The following MSN variants were observed in gnomAD, a reference collection of about 807,000 sequenced individuals.
The protein encoded by MSN is moesin.
Under a neutral mutation model 48.0 loss-of-function variants are expected in MSN, and 2 were observed. The observed-to-expected ratio is 0.04, with a 90% CI of 0.02 to 0.13. The LOEUF (loss-of-function observed/expected upper bound fraction) is 0.13, where lower values mean the gene tolerates loss of function less well. Among genes scored for constraint, MSN ranks in the 10% least tolerant of loss-of-function variants. MSN has a pLI of 1.00. For missense variants in MSN, 267 were observed against 470.1 expected (o/e 0.57, Z 3.99); for synonymous variants, 146 against 166.9 (o/e 0.87, Z 0.97).
At chrX:65,643,601 G>A (rs925479264) in intron 1 of MSN, among the ~76,000 whole-genome samples, 1 of 111,910 alleles carries the variant, frequency 8.9e-6, no homozygotes, top group Non-Finnish European at 1.9e-5. Context: ...GGCCTGGGGT[G>A]GTGTCCAGAT....
At chrX:65,632,101 G>A (rs1210075515) in intron 1 of MSN, among the ~76,000 whole-genome samples, 1 of 112,261 alleles carries the variant, frequency 8.9e-6, no homozygotes, top group Non-Finnish European at 1.9e-5. Context: ...GCGATGGTTT[G>A]AATGTGTCCC....
At chrX:65,600,321 G>T (rs984968285) in intron 1 of MSN, among the ~76,000 whole-genome samples, 2 of 111,304 alleles carry the variant, frequency 1.8e-5, no homozygotes, top group Non-Finnish European at 3.8e-5. Flanking sequence ...GTATGGATGT[G>T]CGTCTCCAGG....
intron 1 of MSN, among the ~76,000 whole-genome samples, chrX:65,670,146 G>C (rs1331043571): frequency 8.9e-6 from 1 of 112,001 alleles, no homozygotes; most frequent in African/African-American, 3.3e-5. Flanking sequence ...GGTGCCTTCT[G>C]TTACTTTTCT....
At chrX:65,606,794 A>G (rs182477860) in intron 1 of MSN, among the ~76,000 whole-genome samples, 207 of 112,696 alleles carry the variant, frequency 1.8e-3, no homozygotes, top group African/African-American at 5.6e-3. Flanking sequence ...TCTGTCCCAT[A>G]TGCCTAACAC....
At chrX:65,636,722 G>A (rs1302492988) in intron 1 of MSN, among the ~76,000 whole-genome samples, 1 of 85,438 alleles carries the variant, frequency 1.2e-5, no homozygotes, top group African/African-American at 5.5e-5. Context: ...ACTCCGGGCT[G>A]GGCAACAAGA....
chrX:65,688,046 C>T (rs1357267544), intron 1 of MSN, among the ~76,000 whole-genome samples: 1 of 111,857 alleles, frequency 8.9e-6, no homozygotes, highest in African/African-American at 3.3e-5. Flanking sequence ...ATAGCCAAGT[C>T]AGATGCGAAT....
intron 1 of MSN, among the ~76,000 whole-genome samples, chrX:65,698,909 AC>A (rs1218086738): frequency 3.4e-4 from 38 of 111,885 alleles, no homozygotes; most frequent in African/African-American, 1.2e-3. Context: ...AGATGGGGAA[AC>A]TGAAGCCCAG....
At chrX:65,737,645 T>C (rs1385374519) in intron 10 of MSN, among the ~76,000 whole-genome samples, 2 of 112,350 alleles carry the variant, frequency 1.8e-5, no homozygotes, top group African/African-American at 6.5e-5. Context: ...GCTCCTGCTG[T>C]ATGTTGCTGT....
At chrX:65,714,908 C>A (rs192395445) in intron 1 of MSN, among the ~76,000 whole-genome samples, 1 of 111,573 alleles carries the variant, frequency 9.0e-6, no homozygotes, top group Non-Finnish European at 1.9e-5. Flanking sequence ...AATGGTATTA[C>A]GTAGGTTTTC....
intron 1 of MSN, chrX:65,625,122 G>A (rs978029823): frequency 2.7e-5 from 3 of 112,594 alleles, no homozygotes; most frequent in African/African-American, 9.7e-5. Flanking sequence ...TTCACTGCAT[G>A]TGGTCGAGGA....
chrX:65,720,932 T>C (rs2071510992), intron 2 of MSN, among the ~76,000 whole-genome samples: 1 of 112,238 alleles, frequency 8.9e-6, no homozygotes, highest in Non-Finnish European at 1.9e-5. Context: ...AGAGAGAACA[T>C]GTTTTGCTAT....
chrX:65,621,117 G>A (rs1165150287), intron 1 of MSN, among the ~76,000 whole-genome samples: 1 of 109,964 alleles, frequency 9.1e-6, no homozygotes, highest in Non-Finnish European at 1.9e-5. Context: ...GGGTTTCACC[G>A]TGTTAGCCAG....
At chrX:65,604,124 A>T (rs1416321316) in intron 1 of MSN, among the ~76,000 whole-genome samples, 1 of 112,559 alleles carries the variant, frequency 8.9e-6, no homozygotes, top group African/African-American at 3.2e-5. Context: ...GGAATGAGGC[A>T]CAGAAAGTTG....
chrX:65,657,279 G>C (rs1326393540), intron 1 of MSN, among the ~76,000 whole-genome samples: 2 of 111,605 alleles, frequency 1.8e-5, no homozygotes, highest in Non-Finnish European at 3.8e-5. Flanking sequence ...AGCTCGAGGG[G>C]AGAGGAGGGT....
chrX:65,667,507 C>G (rs1233100149), upstream of MSN: 4 of 460,531 alleles, frequency 8.7e-6, no homozygotes, highest in East Asian at 3.8e-4. Flanking sequence ...CCGGGCCCCC[C>G]ACGTGGCCGC....
intron 1 of MSN, among the ~76,000 whole-genome samples, chrX:65,684,266 G>GTA (rs1423344361): frequency 9.1e-6 from 1 of 110,383 alleles, no homozygotes; most frequent in African/African-American, 3.3e-5. Context: ...TCATGCATTT[G>GTA]TATATATATG....
intron 1 of MSN, among the ~76,000 whole-genome samples, chrX:65,604,716 T>A (rs1407948340): frequency 8.9e-6 from 1 of 111,967 alleles, no homozygotes; most frequent in Non-Finnish European, 1.9e-5. Context: ...CACCTCTAAC[T>A]CTTCCATCTC....
At chrX:65,656,160 C>G (rs1202329607) in intron 1 of MSN, among the ~76,000 whole-genome samples, 2 of 111,645 alleles carry the variant, frequency 1.8e-5, no homozygotes, top group East Asian at 5.6e-4. Context: ...TGTTGTTTCC[C>G]TTGATTATTA....
intron 1 of MSN, among the ~76,000 whole-genome samples, chrX:65,623,737 G>A (rs1442396926): frequency 1.5e-4 from 16 of 108,672 alleles, no homozygotes; most frequent in Non-Finnish European, 2.1e-4. Context: ...ACTGGAACCC[G>A]GGAGGCGGAG....
Sources: gnomAD v4.1 joint callset for allele counts (sites outside exome capture counted in the v4.1 genomes callset) on GRCh38, gnomAD v4.1.1 for gene constraint, MANE v1.5 for transcripts, NCBI Gene and HGNC (gene_info 2026-07-23, HGNC 2026-07-21) for gene names.